Variants in BICD1 observed in about 807,000 individuals in gnomAD.
The protein encoded by BICD1 is protein bicaudal D homolog 1.
Under a neutral mutation model 92.5 loss-of-function variants are expected in BICD1, and 35 were observed. That is an observed-to-expected ratio of 0.38 (90% confidence interval 0.29 to 0.50). The LOEUF (loss-of-function observed/expected upper bound fraction) is 0.50. Ranked by LOEUF, BICD1 falls within the 20% of genes least tolerant of loss-of-function variation. The pLI is 0.93. For missense variants in BICD1, 950 were observed against 1,189.8 expected (o/e 0.80, Z 2.97); for synonymous variants, 429 against 465.1 (o/e 0.92, Z 1.00).
At chr12:32,159,786 C>T (rs966976641) in intron 1 of BICD1, among the ~76,000 whole-genome samples, 3 of 152,158 alleles carry the variant, frequency 2.0e-5, no homozygotes, top group Admixed American at 6.5e-5. Flanking sequence ...GGTGCCTTAA[C>T]GTTCTTCTCC....
chr12:32,242,305 C>T (rs1592540941), intron 2 of BICD1, among the ~76,000 whole-genome samples: 3 of 148,676 alleles, frequency 2.0e-5, no homozygotes, highest in East Asian at 2.0e-4. Flanking sequence ...GCAGGTGGAT[C>T]GCTTGAGGTC....
intron 2 of BICD1, among the ~76,000 whole-genome samples, chr12:32,246,310 GAAA>G (rs398055471): frequency 2.0e-5 from 2 of 102,000 alleles, no homozygotes; most frequent in Admixed American, 1.1e-4. Context: ...AACCCATCAG[GAAA>G]AAAAAAAAAA....
chr12:32,337,587 C>A lies in BICD1; in HGVS notation c.2341C>A (p.Arg781=). 3 of 1,614,172 alleles carry A rather than the reference C, an allele frequency of 1.9e-6. No individual in the cohort carries two copies. Among genetic ancestry groups the A allele is most frequent in the Non-Finnish European group, 2.5e-6 (3 of 1,180,030 alleles). Residue 781 remains arginine, a synonymous_variant, in exon 7 of 10, where the codon CGA becomes AGA. Transcript: ENST00000652176. The surrounding 1 kb of genome is among the most constrained non-coding windows in gnomAD (Gnocchi z 4.7). ...GAAGAAGACTCTGAACACTTTGTTA[C>A]GAATGGCTATCCAGCAAAAACTCGC... The part of the protein sequence containing the change: ...DEKKTLNTLL[R]MAIQQKLALT...
chr12:32,347,943 T>A (rs2136299322), intron 8 of BICD1, among the ~76,000 whole-genome samples: 1 of 152,296 alleles, frequency 6.6e-6, no homozygotes, highest in East Asian at 1.9e-4. Context: ...ATCAAAGTCT[T>A]TCAAGGTTGA....
At chr12:32,361,267 GA>G (rs2136321231) in intron 8 of BICD1, among the ~76,000 whole-genome samples, 1 of 152,256 alleles carries the variant, frequency 6.6e-6, no homozygotes, top group East Asian at 1.9e-4. Flanking sequence ...TTAAAAGGAA[GA>G]AATGGGGTTG....
intron 1 of BICD1, among the ~76,000 whole-genome samples, chr12:32,141,166 G>C (rs567724897): frequency 2.0e-5 from 3 of 152,102 alleles, no homozygotes; most frequent in East Asian, 3.9e-4. Flanking sequence ...AACATAAGGC[G>C]CTCCATCTGC....
At chr12:32,159,020 G>A (rs775419319) in intron 1 of BICD1, among the ~76,000 whole-genome samples, 6 of 152,058 alleles carry the variant, frequency 3.9e-5, no homozygotes, top group Non-Finnish European at 5.9e-5. Flanking sequence ...TGCAACCTCC[G>A]CTTCCCGGGT....
At chr12:32,133,023 G>T (rs1276402319) in intron 1 of BICD1, among the ~76,000 whole-genome samples, 1 of 152,108 alleles carries the variant, frequency 6.6e-6, no homozygotes, top group African/African-American at 2.4e-5. Context: ...TGGCTCCTAG[G>T]TTTCTTATAA....
chr12:32,251,989 A>AATATATTTATAAT (rs765411630), intron 2 of BICD1, among the ~76,000 whole-genome samples: 2 of 104,278 alleles, frequency 1.9e-5, no homozygotes, highest in East Asian at 2.7e-4. Flanking sequence ...CTATATATAT[A>AATATATTTATAAT]ATATATTTAT....
At chr12:32,116,498 CTCTCTCTCTCTCTA>C (rs1941912719) in intron 1 of BICD1, among the ~76,000 whole-genome samples, 4 of 70,664 alleles carry the variant, frequency 5.7e-5, no homozygotes, top group African/African-American at 1.7e-4. Context: ...CTCTTTCTCT[CTCTCTCTCTCTCTA>C]TATATATATA....
chr12:32,362,178 G>A (rs540592250), intron 8 of BICD1, among the ~76,000 whole-genome samples: 1 of 152,334 alleles, frequency 6.6e-6, no homozygotes, highest in South Asian at 2.1e-4. Context: ...TGGCCAACAT[G>A]GCGATACCCC....
chr12:32,367,817 C>T, intron 9 of BICD1, 72 bp downstream of exon 9: 1 of 1,335,518 alleles, frequency 7.5e-7, no homozygotes, highest in Non-Finnish European at 1.1e-6. Flanking sequence ...CCCTTTCCGA[C>T]ACCTGAACTG....
Position 32,173,023 on chromosome 12 carries a change from G to A in BICD1, c.214-43224G>A, listed in dbSNP as rs141879520. ...TCCCAGCTGACTGCCCCGGAGTCCC[G>A]CCCTGTTCAGGCAGAGGCAGAGTTT... On this transcript the variant is annotated intron_variant, in intron 1 of 9. Transcript: ENST00000652176. Among the ~76,000 whole-genome samples, 375 of 151,788 alleles carry A rather than the reference G, an allele frequency of 2.5e-3. 1 individual carries two copies. The highest frequency in any genetic ancestry group is 6.8e-3 in the Middle Eastern group (2 of 292).
chr12:32,375,818 A>G (rs10771943), intron 9 of BICD1, among the ~76,000 whole-genome samples: 62,227 of 151,950 alleles, frequency 0.41, 13,036 homozygotes, highest in East Asian at 0.58. Flanking sequence ...ACCAAAGATA[A>G]AAATTATTTA....
intron 5 of BICD1, chr12:32,332,803 C>A: frequency 1.1e-6 from 1 of 950,656 alleles, no homozygotes; most frequent in Non-Finnish European, 1.3e-6. Context: ...TTTGGAGTGA[C>A]AAAATAGAAT....
intron 8 of BICD1, among the ~76,000 whole-genome samples, chr12:32,347,804 A>G (rs1317242790): frequency 1.3e-5 from 2 of 152,176 alleles, no homozygotes; most frequent in African/African-American, 2.4e-5. Context: ...TTTTTTAATT[A>G]CCGTAATGAA....
chr12:32,131,015 A>C (rs1942526178), intron 1 of BICD1, among the ~76,000 whole-genome samples: 2 of 151,928 alleles, frequency 1.3e-5, no homozygotes, highest in African/African-American at 4.8e-5. Context: ...TTGTATTTTT[A>C]GTAGAGACGG....
chr12:32,108,595 TG>T, intron 1 of BICD1: 1 of 670,070 alleles, frequency 1.5e-6, no homozygotes. Flanking sequence ...TGTTAATTAT[TG>T]TTTGGCATAT....
rs1938243768 is a variant in BICD1, at chr12:32,338,929, T to C, written c.2714T>C (p.Ile905Thr). 1 of 1,607,910 alleles carries C rather than the reference T, an allele frequency of 6.2e-7. No homozygotes were observed. ...GGCCCCCCTTCCATGAGTGAATTCA[T>C]CCAAGGGCACCGGCTCAGCAAGGAA... ...LKGPPSMSEF[I>T]QGHRLSKEKR... Residue 905 changes from isoleucine to threonine, a missense_variant, in exon 8 of 10, where the codon ATC (isoleucine) becomes ACC (threonine). This residue lies in a region of BICD1 where 179 missense variants were observed against 186.7 expected (regional missense o/e 0.96). Coordinates refer to ENST00000652176, the MANE Select transcript of BICD1 (RefSeq NM_001714.4).
Sources: gnomAD v4.1 joint callset for allele counts (sites outside exome capture counted in the v4.1 genomes callset) on GRCh38, gnomAD v4.1.1 for gene constraint, gnomAD v4.1.1 regional missense constraint, Gnocchi (gnomAD v3.1) non-coding constraint, MANE v1.5 for transcripts, NCBI Gene and HGNC (gene_info 2026-07-23, HGNC 2026-07-21) for gene names.